The following KDM3B variants were observed in gnomAD, a reference collection of about 807,000 sequenced individuals.
KDM3B encodes the protein lysine-specific demethylase 3B.
In KDM3B, 10 loss-of-function variants were observed where a neutral mutation model predicts 170.0. The ratio of observed to expected loss-of-function variants is 0.06; its 90% CI spans 0.04 to 0.10. The LOEUF is 0.10. KDM3B is among the 10% of genes least tolerant of loss of function. The pLI is 1.00. For missense variants in KDM3B, 1,394 were observed against 2,195.2 expected, an observed-to-expected ratio of 0.64 and a Z score of 7.29; for synonymous variants, 831 against 834.8, an observed-to-expected ratio of 1.00 and a Z score of 0.08.
At chr5:138,429,178 A>G (rs749002886) in intron 20 of KDM3B, among the ~76,000 whole-genome samples, 1 of 151,882 alleles carries the variant, frequency 6.6e-6, no homozygotes, top group Non-Finnish European at 1.5e-5. Context: ...CAGCCTCCCA[A>G]GTAGCTGGGA....
rs536544596 is a variant in KDM3B at position 138,368,165 on chromosome 5, A to G, written c.193-4509A>G. ...CTTCTTTGTATCCTGTGGCCTGGCC[A>G]CTACCATTAAGGGTATGTGTTCTAT... is the stretch of plus-strand genomic sequence containing the variant. On this transcript the variant is annotated intron_variant, in intron 1 of 23. Transcript: ENST00000314358. Among the ~76,000 whole-genome samples, 3 of 152,084 alleles carry G rather than the reference A, an allele frequency of 2.0e-5. No individual in the cohort carries two copies. The East Asian group carries it at 5.8e-4, about 29-fold the overall frequency.
chr5:138,412,213 G>C (rs1245683873), intron 11 of KDM3B, among the ~76,000 whole-genome samples: 1 of 151,556 alleles, frequency 6.6e-6, no homozygotes, highest in East Asian at 2.0e-4. Flanking sequence ...GCGGGCACCT[G>C]TAATCCCAGC....
intron 7 of KDM3B, 79 bp downstream of exon 7, chr5:138,386,700 T>A: frequency 2.0e-6 from 3 of 1,519,806 alleles, no homozygotes; most frequent in Non-Finnish European, 8.9e-7. Context: ...TAAAAAACAT[T>A]CAAGTGCCCC....
chr5:138,356,263 TAAG>T (rs1256721383), intron 1 of KDM3B, among the ~76,000 whole-genome samples: 2 of 152,202 alleles, frequency 1.3e-5, no homozygotes, highest in African/African-American at 4.8e-5. Context: ...ATGGTTCGGT[TAAG>T]AAGTATATGT....
At chr5:138,381,975 T>TC (rs35717778) in intron 6 of KDM3B, among the ~76,000 whole-genome samples, 24 of 148,464 alleles carry the variant, frequency 1.6e-4, no homozygotes, top group African/African-American at 5.4e-4. Flanking sequence ...TTTTTTTTTT[T>TC]CCATTCGGTG....
intron 1 of KDM3B, among the ~76,000 whole-genome samples, chr5:138,363,205 T>C (rs528118127): frequency 2.6e-5 from 4 of 152,264 alleles, no homozygotes; most frequent in Admixed American, 6.5e-5. Flanking sequence ...TTTTTTCTCT[T>C]CTATTCCCTG....
intron 9 of KDM3B, among the ~76,000 whole-genome samples, chr5:138,394,897 T>TGATG (rs1193902004): frequency 1.3e-5 from 2 of 151,646 alleles, no homozygotes; most frequent in Non-Finnish European, 2.9e-5. Flanking sequence ...ACGGAGATAG[T>TGATG]GATGGACATG....
In KDM3B at chr5:138,435,741, C is replaced by CA; in HGVS notation, c.*42dup. 2.1e-6 allele frequency: 3 copies of CA among 1,445,448 alleles called. No homozygotes were observed. Among genetic ancestry groups the CA allele is most frequent in the Non-Finnish European group, 2.9e-6 (3 of 1,035,146 alleles). The allele number at this position is 1,445,448 out of a possible 1,614,324, so 89.5% of individuals were successfully genotyped here. A position where few individuals can be genotyped will look rare whatever the true frequency, so the allele number is the denominator to read the frequency against. On this transcript the variant is annotated 3_prime_UTR_variant, in exon 24 of 24. Coordinates refer to ENST00000314358, the MANE Select transcript of KDM3B (RefSeq NM_016604.4). ...AAGCTCCTCTGTGAAGCAGGTCTTT[C>CA]ACTCACAACACTTAACAGGGAACGG... is the stretch of plus-strand genomic sequence containing the variant.
chr5:138,391,725 C>T lies in KDM3B; in HGVS notation c.2093C>T (p.Ser698Phe). The T allele has an allele frequency of 1.2e-6, 2 of 1,614,068 alleles. No individual in the cohort carries two copies. Among genetic ancestry groups the T allele is most frequent in the South Asian group, 1.1e-5 (1 of 91,078 alleles). ...AAACCCCTCTTCATTACAACTGACT[C>T]CTCCAAGCTAGTATCTGGTGTTCTG... Reference protein sequence around the residue: ...KKKPLFITTDSSKLVSGVLGS... With the variant: ...KKKPLFITTDFSKLVSGVLGS... Residue 698 changes from serine (S) to phenylalanine (F), a missense_variant, in exon 8 of 24, where the codon TCC (serine) becomes TTC (phenylalanine). Around this residue, in one of 19 missense-constraint regions of KDM3B, gnomAD observed 294 missense variants for 311.7 expected, o/e 0.94. Coordinates refer to ENST00000314358, the MANE Select transcript of KDM3B (RefSeq NM_016604.4). This position sits in a 1 kb window ranked among gnomAD's most constrained non-coding sequence, Gnocchi z 5.0.
chr5:138,424,024 C>T (rs775457211), intron 15 of KDM3B, 51 bp from the exon 16 acceptor site: 10 of 1,486,298 alleles, frequency 6.7e-6, no homozygotes, highest in African/African-American at 2.8e-5. Context: ...TTTTGAATGC[C>T]GTTCTCATGG....
Position 138,417,614 on chromosome 5 carries a change from A to G in KDM3B, c.3435+4A>G. 6.2e-7 allele frequency: 1 copy of G among 1,613,938 alleles called. No homozygotes were observed. Among genetic ancestry groups the G allele is most frequent in the African/African-American group, 1.3e-5 (1 of 75,050 alleles). ...CGTCACCAATGGGATGTCACAGGTA[A>G]ACTGGTGTGTGTGGGTATAACTAAG... is the stretch of plus-strand genomic sequence containing the variant. On this transcript the variant is annotated splice_donor_region_variant and intron_variant, in intron 13 of 23. Transcript: ENST00000314358.
intron 10 of KDM3B, among the ~76,000 whole-genome samples, chr5:138,399,011 C>G (rs1460891813): frequency 6.6e-6 from 1 of 151,080 alleles, no homozygotes. Context: ...GCCTCACCCT[C>G]CTGAGTAGCT....
intron 7 of KDM3B, among the ~76,000 whole-genome samples, chr5:138,387,763 T>C (rs1488351154): frequency 1.3e-5 from 2 of 152,160 alleles, no homozygotes; most frequent in Non-Finnish European, 2.9e-5. Flanking sequence ...GTGTAAATCA[T>C]CATAGTGTCT....
Position 138,417,619 on chromosome 5 carries a change from G to A in KDM3B, c.3435+9G>A. The A allele has an allele frequency of 6.2e-7, 1 of 1,613,664 alleles. No homozygotes were observed. The highest frequency in any genetic ancestry group is 1.1e-5 in the South Asian group (1 of 91,064). On this transcript the variant is annotated intron_variant, in intron 13 of 23. Transcript: ENST00000314358. ...CCAATGGGATGTCACAGGTAAACTG[G>A]TGTGTGTGGGTATAACTAAGTGAAG...
chr5:138,431,790 G>A (rs887263739), intron 23 of KDM3B, among the ~76,000 whole-genome samples: 1 of 151,870 alleles, frequency 6.6e-6, no homozygotes, highest in Admixed American at 6.6e-5. Flanking sequence ...GCGCATGCCT[G>A]TAGTCCCAGC....
Position 138,386,561 on chromosome 5 carries a change from C to A in KDM3B, c.1320C>A (p.Gly440=). The change falls in exon 7 of 24, where the codon GGC becomes GGA. Residue 440 remains glycine (G), a synonymous_variant. Coordinates refer to ENST00000314358, the MANE Select transcript of KDM3B (RefSeq NM_016604.4). ...TPNTVRISDT[G]LAAGTVPEKQ... ...ACACAGTGAGGATCTCAGACACTGG[C>A]CTTGCAGCAGGGACTGTGCCAGAAA... 8 of 1,614,192 alleles carry A rather than the reference C, an allele frequency of 5.0e-6. No homozygotes were observed. Among genetic ancestry groups the A allele is most frequent in the Non-Finnish European group, 6.8e-6 (8 of 1,180,028 alleles).
chr5:138,353,119 C>T (rs927604411), intron 1 of KDM3B, 132 bp downstream of exon 1: 3 of 761,942 alleles, frequency 3.9e-6, no homozygotes, highest in African/African-American at 1.8e-5. Flanking sequence ...CCTTAGCGCC[C>T]CCCGCCGGCA....
chr5:138,361,605 C>G (rs908591771), intron 1 of KDM3B, among the ~76,000 whole-genome samples: 1 of 152,130 alleles, frequency 6.6e-6, no homozygotes, highest in Non-Finnish European at 1.5e-5. Context: ...AAGCAAGCAG[C>G]CTTGATTTTG....
At chr5:138,360,404 G>T (rs1377156251) in intron 1 of KDM3B, among the ~76,000 whole-genome samples, 1 of 152,004 alleles carries the variant, frequency 6.6e-6, no homozygotes, top group Non-Finnish European at 1.5e-5. Context: ...GCCCGTCTAA[G>T]CACACTCATC....
Sources: gnomAD v4.1 joint callset for allele counts (sites outside exome capture counted in the v4.1 genomes callset) on GRCh38, gnomAD v4.1.1 for gene constraint, gnomAD v4.1.1 regional missense constraint, Gnocchi (gnomAD v3.1) non-coding constraint, MANE v1.5 for transcripts, NCBI Gene and HGNC (gene_info 2026-07-23, HGNC 2026-07-21) for gene names.